TEAD1: variants seen among roughly 807,000 people sequenced by gnomAD.
TEAD1 encodes the protein transcriptional enhancer factor TEF-1.
Under a neutral mutation model 54.9 loss-of-function variants are expected in TEAD1, and 9 were observed. The observed-to-expected ratio is 0.16, with a 90% CI of 0.10 to 0.29. The LOEUF (loss-of-function observed/expected upper bound fraction) is 0.29. Ranked by LOEUF, TEAD1 falls within the 10% of genes least tolerant of loss-of-function variation. TEAD1 has a pLI of 1.00. For missense variants in TEAD1, 387 were observed against 535.9 expected, an observed-to-expected ratio of 0.72 and a Z score of 2.74; for synonymous variants, 200 against 187.8, an observed-to-expected ratio of 1.07 and a Z score of -0.53.
At chr11:12,764,570 C>A in intron 3 of TEAD1, 136 bp downstream of exon 3, 2 of 1,024,736 alleles carry the variant, frequency 2.0e-6, no homozygotes, top group Non-Finnish European at 2.9e-6. Flanking sequence ...GTGGGTCATC[C>A]AAAGGACTCA....
At position 12,944,349 on chromosome 11, in the gene TEAD1, T is replaced by A. The variant is rs770954135; in HGVS notation, c.*7127T>A. 2.0e-5 allele frequency: 3 copies of A among 152,736 alleles called. No homozygotes were observed. Among genetic ancestry groups the A allele is most frequent in the Non-Finnish European group, 4.4e-5 (3 of 68,026 alleles). The allele number at this position is 152,736 out of a possible 1,614,324, so 9.5% of individuals were successfully genotyped here. On this transcript the variant is annotated 3_prime_UTR_variant, in exon 13 of 13. Coordinates refer to ENST00000527636, the MANE Select transcript of TEAD1 (RefSeq NM_021961.6). ...CAGTATTCTTGTATTTGTTAACGTC[T>A]GTGTTTAGGTACTGGTACCTTTTTG...
intron 9 of TEAD1, among the ~76,000 whole-genome samples, chr11:12,895,451 G>C (rs927006319): frequency 2.6e-5 from 4 of 152,160 alleles, no homozygotes; most frequent in Non-Finnish European, 5.9e-5. Flanking sequence ...CCTACCTGCA[G>C]ACAAGCGTCC....
intron 7 of TEAD1, among the ~76,000 whole-genome samples, chr11:12,881,452 G>A (rs529159941): frequency 6.6e-6 from 1 of 152,230 alleles, no homozygotes; most frequent in Non-Finnish European, 1.5e-5. Flanking sequence ...GATGCCTTGG[G>A]GGCAAGAGAA....
rs1335529928 is a variant in TEAD1, at chr11:12,674,823, C to A, written c.-219C>A. 1 of 151,100 alleles carries A rather than the reference C, an allele frequency of 6.6e-6. No homozygotes were observed. Among genetic ancestry groups the A allele is most frequent in the African/African-American group, 2.4e-5 (1 of 41,300 alleles). 9.4% of individuals were successfully genotyped at this position (151,100 alleles called of 1,614,324 possible). On this transcript the variant is annotated 5_prime_UTR_variant, in exon 1 of 13. Coordinates refer to ENST00000527636, the MANE Select transcript of TEAD1 (RefSeq NM_021961.6). The stretch of plus-strand genomic sequence containing the variant: ...GGACTCGCCGGGCGCTGCGGTGGCT[C>A]CCTGGGCCGAGGTAAGTTGGCGCGC...
At chr11:12,713,847 G>A (rs1049241587) in intron 2 of TEAD1, among the ~76,000 whole-genome samples, 1 of 152,082 alleles carries the variant, frequency 6.6e-6, no homozygotes, top group African/African-American at 2.4e-5. Flanking sequence ...AGCAGCTCCC[G>A]GCATCACATC....
At chr11:12,690,510 T>C (rs905711815) in intron 2 of TEAD1, among the ~76,000 whole-genome samples, 13 of 152,188 alleles carry the variant, frequency 8.5e-5, no homozygotes, top group African/African-American at 3.1e-4. Context: ...TGTATCTCCA[T>C]GGTGCTGTGT....
At chr11:12,829,716 G>A (rs1479322134) in intron 3 of TEAD1, among the ~76,000 whole-genome samples, 1 of 152,232 alleles carries the variant, frequency 6.6e-6, no homozygotes, top group African/African-American at 2.4e-5. Context: ...GTTGTAGAGA[G>A]TAGGCCCAGT....
intron 2 of TEAD1, among the ~76,000 whole-genome samples, chr11:12,701,319 C>T (rs982097374): frequency 6.6e-6 from 1 of 151,990 alleles, no homozygotes; most frequent in Non-Finnish European, 1.5e-5. Context: ...AGGCACTATT[C>T]TGGAGTGTCT....
intron 2 of TEAD1, among the ~76,000 whole-genome samples, chr11:12,748,701 G>A (rs1281166863): frequency 6.6e-6 from 1 of 152,112 alleles, no homozygotes; most frequent in Non-Finnish European, 1.5e-5. Context: ...ATATCATCTC[G>A]TATAACCAGG....
chr11:12,781,963 A>AAG (rs1945557270), intron 3 of TEAD1, among the ~76,000 whole-genome samples: 1 of 142,012 alleles, frequency 7.0e-6, no homozygotes, highest in Non-Finnish European at 1.5e-5. Flanking sequence ...AAAAAAAAAA[A>AAG]AAAAAAAAGA....
At chr11:12,809,280 C>T (rs951931922) in intron 3 of TEAD1, among the ~76,000 whole-genome samples, 1 of 152,170 alleles carries the variant, frequency 6.6e-6, no homozygotes, top group Non-Finnish European at 1.5e-5. Context: ...GTTCTTGTTC[C>T]TGGTGAATTC....
At chr11:12,819,375 C>A (rs1340865758) in intron 3 of TEAD1, among the ~76,000 whole-genome samples, 1 of 151,796 alleles carries the variant, frequency 6.6e-6, no homozygotes, top group Admixed American at 6.6e-5. Context: ...CACTTGGTAA[C>A]CCCTTCATTT....
chr11:12,687,045 C>T (rs529554317), intron 2 of TEAD1, among the ~76,000 whole-genome samples: 1 of 152,192 alleles, frequency 6.6e-6, no homozygotes, highest in Non-Finnish European at 1.5e-5. Flanking sequence ...GGGTCTTGGT[C>T]TCTCCACTTC....
At chr11:12,805,075 C>T (rs1348764291) in intron 3 of TEAD1, among the ~76,000 whole-genome samples, 2 of 152,174 alleles carry the variant, frequency 1.3e-5, no homozygotes, top group African/African-American at 4.8e-5. Context: ...GTGGACTGGG[C>T]TTCTGCTTTA....
Position 12,879,864 on chromosome 11 carries a change from G to A in TEAD1, c.465+22G>A, listed in dbSNP as rs534014490. The A allele has an allele frequency of 1.5e-4, 244 of 1,612,486 alleles. 3 individuals are homozygous for A. In the South Asian group the frequency reaches 2.6e-3, roughly 17 times the overall value. ...GGGGGTAAGTCATGAGCTCAGTCCA[G>A]TAATGACAGCTGCTGGGGTTGGGGT... On this transcript the variant is annotated intron_variant, in intron 6 of 12. Coordinates refer to ENST00000527636, the MANE Select transcript of TEAD1 (RefSeq NM_021961.6).
At chr11:12,917,991 T>C (rs1948745411) in intron 10 of TEAD1, among the ~76,000 whole-genome samples, 1 of 152,202 alleles carries the variant, frequency 6.6e-6, no homozygotes, top group Non-Finnish European at 1.5e-5. Flanking sequence ...TGTTTTTATT[T>C]ACTTTTAGAA....
chr11:12,834,413 T>A (rs1432752285), intron 3 of TEAD1, among the ~76,000 whole-genome samples: 1 of 152,238 alleles, frequency 6.6e-6, no homozygotes, highest in African/African-American at 2.4e-5. Context: ...ATCCCAGTGC[T>A]ACCATTTATT....
At chr11:12,810,752 C>A (rs899649714) in intron 3 of TEAD1, among the ~76,000 whole-genome samples, 2 of 152,118 alleles carry the variant, frequency 1.3e-5, no homozygotes, top group African/African-American at 4.8e-5. Context: ...CCTTCTGTGG[C>A]CATAGAGGTC....
At chr11:12,767,875 G>T (rs1037799396) in intron 3 of TEAD1, among the ~76,000 whole-genome samples, 1 of 152,114 alleles carries the variant, frequency 6.6e-6, no homozygotes, top group Admixed American at 6.6e-5. Context: ...ACACAGCTAC[G>T]TGTGACTCTT....
Sources: allele counts gnomAD v4.1 joint callset (sites outside exome capture counted in the v4.1 genomes callset), GRCh38; gene constraint gnomAD v4.1.1; transcripts MANE v1.5; gene names NCBI Gene and HGNC (gene_info 2026-07-23, HGNC 2026-07-21).